Variants in AP2M1 observed in about 807,000 individuals in gnomAD.
AP2M1 encodes the protein adaptor related protein complex 2 subunit mu 1.
A neutral mutation model predicts 54.5 loss-of-function variants in AP2M1; 5 were observed. The ratio of observed to expected loss-of-function variants is 0.09; its 90% confidence interval spans 0.05 to 0.19. The LOEUF (loss-of-function observed/expected upper bound fraction) is 0.19. Ranked by LOEUF, AP2M1 falls within the 10% of genes least tolerant of loss-of-function variation. AP2M1 has a pLI of 1.00. For missense variants in AP2M1, 178 were observed against 580.2 expected, an observed-to-expected ratio of 0.31 and a Z score of 7.12; for synonymous variants, 186 against 208.2, an observed-to-expected ratio of 0.89 and a Z score of 0.92.
rs533163564 is a variant in AP2M1, at chr3:184,178,214, G to A, written c.75-643G>A. On this transcript the variant is annotated intron_variant, in intron 2 of 11. Transcript: ENST00000292807. The surrounding 1 kb of genome is among the most constrained non-coding windows in gnomAD (Gnocchi z 4.9). ...CTCTCATCCCATCTCATTGGCTGCC[G>A]TAGCAATAGGTAAGCGGCCTCTCAA... The A allele has an allele frequency of 5.4e-5, 83 of 1,536,092 alleles. No individual in the cohort carries two copies. The African/African-American group carries it at 8.9e-4, about 16-fold the overall frequency.
rs902867273 is a variant in AP2M1, at chr3:184,178,549, G to A, written c.75-308G>A. ...AAGCTGGGAAATTAGGGCCAGCCCT[G>A]GGAGTAAGGAATATCTGTCTCTAAA... On this transcript the variant is annotated intron_variant, in intron 2 of 11. Coordinates refer to ENST00000292807, the MANE Select transcript of AP2M1 (RefSeq NM_004068.4). The surrounding 1 kb of genome is among the most constrained non-coding windows in gnomAD (Gnocchi z 4.9). Among the ~76,000 whole-genome samples, 3 of 152,238 alleles carry A rather than the reference G, an allele frequency of 2.0e-5. No homozygotes were observed. The highest frequency in any genetic ancestry group is 7.2e-5 in the African/African-American group (3 of 41,464).
At position 184,182,652 on chromosome 3, in the gene AP2M1, G is replaced by A. The variant is rs1432576056; in HGVS notation, c.1062-105G>A. The A allele has an allele frequency of 1.1e-6, 1 of 911,820 alleles. No individual in the cohort carries two copies. Among genetic ancestry groups the A allele is most frequent in the Non-Finnish European group, 1.7e-6 (1 of 585,856 alleles). The allele number at this position is 911,820 out of a possible 1,614,324, so 56.5% of individuals were successfully genotyped here. On this transcript the variant is annotated intron_variant, in intron 10 of 11. Transcript: ENST00000292807. This position sits in a 1 kb window ranked among gnomAD's most constrained non-coding sequence, Gnocchi z 5.5. Reference sequence around the variant, plus strand: ...GGTCCTGACCACTTCTCCTTGTTCTGGCACCTCCTGCAAGCTCCTGGGCTC... The same window carrying A: ...GGTCCTGACCACTTCTCCTTGTTCTAGCACCTCCTGCAAGCTCCTGGGCTC...
Position 184,181,376 on chromosome 3 carries a change from A to G in AP2M1, c.707+150A>G, listed in dbSNP as rs985060600. 4 of 1,208,178 alleles carry G rather than the reference A, an allele frequency of 3.3e-6. No individual in the cohort carries two copies. The African/African-American group carries it at 6.1e-5, about 18-fold the overall frequency. The allele number at this position is 1,208,178 out of a possible 1,614,324, so 74.8% of individuals were successfully genotyped here. A position where few individuals can be genotyped will look rare whatever the true frequency, so the allele number is the denominator to read the frequency against. ...AGCCTGGCTGTTCGCTCTTGACATT[A>G]GTGCTACGAGAGATGAGGGGATCGT... is the stretch of plus-strand genomic sequence containing the variant. On this transcript the variant is annotated intron_variant, in intron 7 of 11. Coordinates refer to ENST00000292807, the MANE Select transcript of AP2M1 (RefSeq NM_004068.4). This position sits in a 1 kb window ranked among gnomAD's most constrained non-coding sequence, Gnocchi z 5.7.
Position 184,176,940 on chromosome 3 carries a change from G to A in AP2M1, c.-43-11G>A, listed in dbSNP as rs1715092679. 3.2e-6 allele frequency: 5 copies of A among 1,584,800 alleles called. No homozygotes were observed. The highest frequency in any genetic ancestry group is 1.7e-5 in the Admixed American group (1 of 58,272). Reference sequence around the variant, plus strand: ...TGAGGTCTTCTTTTACCCTGCCCCCGCCTGTCCTAGGTCTGTTCTCAGAGC... The same window carrying A: ...TGAGGTCTTCTTTTACCCTGCCCCCACCTGTCCTAGGTCTGTTCTCAGAGC... On this transcript the variant is annotated splice_polypyrimidine_tract_variant and intron_variant, in intron 1 of 11. Transcript: ENST00000292807.
chr3:184,182,994 A>T lies in AP2M1; in HGVS notation c.1173+126A>T, dbSNP rs1339217948. On this transcript the variant is annotated intron_variant, in intron 11 of 11. Coordinates refer to ENST00000292807, the MANE Select transcript of AP2M1 (RefSeq NM_004068.4). The surrounding 1 kb of genome is among the most constrained non-coding windows in gnomAD (Gnocchi z 5.5). ...GGCCTAGAAAGAAGAACTGGCTTTA[A>T]TTCATAGATCCATTCTTCCCCTTTC... The T allele has an allele frequency of 1.2e-6, 1 of 805,190 alleles. No individual in the cohort carries two copies. The allele number at this position is 805,190 out of a possible 1,614,324, so 49.9% of individuals were successfully genotyped here. A position where few individuals can be genotyped will look rare whatever the true frequency, so the allele number is the denominator to read the frequency against.
At position 184,178,010 on chromosome 3, in the gene AP2M1, A is replaced by ACCCCCC; in HGVS notation, c.75-846_75-841dup. The ACCCCCC allele has an allele frequency of 1.5e-6, 1 of 655,576 alleles. No homozygotes were observed. Among genetic ancestry groups the ACCCCCC allele is most frequent in the East Asian group, 2.8e-5 (1 of 36,298 alleles). 40.6% of individuals were successfully genotyped at this position (655,576 alleles called of 1,614,324 possible). On this transcript the variant is annotated intron_variant, in intron 2 of 11. Coordinates refer to ENST00000292807, the MANE Select transcript of AP2M1 (RefSeq NM_004068.4). The surrounding 1 kb of genome is among the most constrained non-coding windows in gnomAD (Gnocchi z 4.9). Reference sequence around the variant, plus strand: ...GGCCTGTCTGAACCTGGCTGGCTACACCCCCCACCCCAGACCCCCTCCTGC... The same window carrying ACCCCCC: ...GGCCTGTCTGAACCTGGCTGGCTACACCCCCCCCCCCCACCCCAGACCCCCTCCTGC...
intron 2 of AP2M1, among the ~76,000 whole-genome samples, chr3:184,177,283 G>A (rs1172735244): frequency 6.6e-6 from 1 of 152,252 alleles, no homozygotes; most frequent in African/African-American, 2.4e-5. Context: ...CTGTGGAATG[G>A]CATGGTCCCA....
rs1715219603 is a variant in AP2M1, at chr3:184,180,040, G to C, written c.341-129G>C. On this transcript the variant is annotated intron_variant, in intron 3 of 11. Coordinates refer to ENST00000292807, the MANE Select transcript of AP2M1 (RefSeq NM_004068.4). This position sits in a 1 kb window ranked among gnomAD's most constrained non-coding sequence, Gnocchi z 4.9. ...CAAATCACAGAATAAATGCTACAAA[G>C]CTAGAAGACTTTCTTGCGGATGATC... is the stretch of plus-strand genomic sequence containing the variant. 7.9e-6 allele frequency: 6 copies of C among 762,468 alleles called. No homozygotes were observed. In the South Asian group the frequency reaches 1.0e-4, roughly 13 times the overall value. The allele number at this position is 762,468 out of a possible 1,614,324, so 47.2% of individuals were successfully genotyped here. A position where few individuals can be genotyped will look rare whatever the true frequency, so the allele number is the denominator to read the frequency against.
Position 184,181,684 on chromosome 3 carries a change from C to G in AP2M1, c.708-12C>G. ...CCTGTACCAATGAGACCTCTTCTGC[C>G]CCTGCTTGCAGCGGGAAGCAATCAA... On this transcript the variant is annotated splice_polypyrimidine_tract_variant and intron_variant, in intron 7 of 11. Transcript: ENST00000292807. This position sits in a 1 kb window ranked among gnomAD's most constrained non-coding sequence, Gnocchi z 5.7. The G allele has an allele frequency of 6.2e-7, 1 of 1,613,628 alleles. No homozygotes were observed. Among genetic ancestry groups the G allele is most frequent in the South Asian group, 1.1e-5 (1 of 91,046 alleles).
chr3:184,183,516 A>T lies in AP2M1; in HGVS notation c.1208A>T (p.Tyr403Phe). 1 of 1,614,046 alleles carries T rather than the reference A, an allele frequency of 6.2e-7. No individual in the cohort carries two copies. The highest frequency in any genetic ancestry group is 8.5e-7 in the Non-Finnish European group (1 of 1,179,908). The change falls in exon 12 of 12, where the codon TAC becomes TTC. Residue 403 changes from tyrosine (Y) to phenylalanine (F), a missense_variant. Transcript: ENST00000292807. The surrounding 1 kb of genome is among the most constrained non-coding windows in gnomAD (Gnocchi z 5.7). The stretch of plus-strand genomic sequence containing the variant: ...GCGCCCTCTGGCCTCAAGGTGCGCT[A>T]CTTGAAGGTGTTTGAACCGAAGCTG... ...PFAPSGLKVR[Y>F]LKVFEPKLNY...
intron 1 of AP2M1, 43 bp from the exon 2 acceptor site, chr3:184,176,908 G>C: frequency 7.2e-7 from 1 of 1,395,930 alleles, no homozygotes; most frequent in Non-Finnish European, 9.8e-7. Context: ...GATGTTGGCA[G>C]CGATTCTGAG....
intron 1 of AP2M1, 75 bp downstream of exon 1, chr3:184,175,034 T>C (rs1715015245): frequency 7.5e-6 from 3 of 397,804 alleles, no homozygotes; most frequent in Admixed American, 4.4e-5. Flanking sequence ...AGCTTTGTCC[T>C]GCCCTGCACT....
At position 184,181,326 on chromosome 3, in the gene AP2M1, A is replaced by C; in HGVS notation, c.707+100A>C. 6.5e-7 allele frequency: 1 copy of C among 1,538,194 alleles called. No homozygotes were observed. The highest frequency in any genetic ancestry group is 8.9e-7 in the Non-Finnish European group (1 of 1,125,806). ...TCTTCTGGATTTCATTCCCACTGTA[A>C]TTGCAAACTCTGTTCCTGACGGTAA... On this transcript the variant is annotated intron_variant, in intron 7 of 11. Transcript: ENST00000292807. The surrounding 1 kb of genome is among the most constrained non-coding windows in gnomAD (Gnocchi z 5.7).
At position 184,181,827 on chromosome 3, in the gene AP2M1, G is replaced by A. The variant is rs1387568195; in HGVS notation, c.827+12G>A. 1.2e-6 allele frequency: 2 copies of A among 1,614,190 alleles called. No homozygotes were observed. Among genetic ancestry groups the A allele is most frequent in the Non-Finnish European group, 1.7e-6 (2 of 1,180,040 alleles). On this transcript the variant is annotated intron_variant, in intron 8 of 11. Transcript: ENST00000292807. This position sits in a 1 kb window ranked among gnomAD's most constrained non-coding sequence, Gnocchi z 5.7. ...TTTGAGCTTATGAGGTGCCATTGGG[G>A]TGTGAGGAGGCAGCTAGTGCTGCTG...
chr3:184,182,952 A>G lies in AP2M1; in HGVS notation c.1173+84A>G. 8.6e-7 allele frequency: 1 copy of G among 1,157,998 alleles called. No homozygotes were observed. 71.7% of individuals were successfully genotyped at this position (1,157,998 alleles called of 1,614,324 possible). On this transcript the variant is annotated intron_variant, in intron 11 of 11. Transcript: ENST00000292807. This position sits in a 1 kb window ranked among gnomAD's most constrained non-coding sequence, Gnocchi z 5.5. The stretch of plus-strand genomic sequence containing the variant: ...TCATTCCGATAAACTGCTGCACCTT[A>G]GAGGTGAGGAAACTGAGGCCTAGAA...
chr3:184,176,767 C>A (rs1175109921), intron 1 of AP2M1, 184 bp from the exon 2 acceptor site: 4 of 508,566 alleles, frequency 7.9e-6, no homozygotes, highest in African/African-American at 2.0e-5. Flanking sequence ...TTTCTTTCTC[C>A]CATCTAGTGT....
chr3:184,177,733 G>A (rs1276465677), intron 2 of AP2M1: 7 of 970,992 alleles, frequency 7.2e-6, no homozygotes, highest in Admixed American at 2.3e-5. Flanking sequence ...CTCATTCTGC[G>A]CCCCCTTGCA....
Position 184,182,416 on chromosome 3 carries a change from G to A in AP2M1, c.1061+168G>A, listed in dbSNP as rs1409008068. On this transcript the variant is annotated intron_variant, in intron 10 of 11. Transcript: ENST00000292807. This position sits in a 1 kb window ranked among gnomAD's most constrained non-coding sequence, Gnocchi z 5.5. Reference sequence around the variant, plus strand: ...TATACCTCCATGTGAGTATGTACACGCCTGCATTTGGGTTCATGCACGTGC... The same window carrying A: ...TATACCTCCATGTGAGTATGTACACACCTGCATTTGGGTTCATGCACGTGC... 7 of 706,880 alleles carry A rather than the reference G, an allele frequency of 9.9e-6. No individual in the cohort carries two copies. The highest frequency in any genetic ancestry group is 5.5e-5 in the East Asian group (2 of 36,676). The allele number at this position is 706,880 out of a possible 1,614,324, so 43.8% of individuals were successfully genotyped here. A position where few individuals can be genotyped will look rare whatever the true frequency, so the allele number is the denominator to read the frequency against.
At chr3:184,176,233 G>A (rs1429681684) in intron 1 of AP2M1, among the ~76,000 whole-genome samples, 1 of 152,090 alleles carries the variant, frequency 6.6e-6, no homozygotes, top group Non-Finnish European at 1.5e-5. Flanking sequence ...TTTGAAAGGG[G>A]GGTGGTAATC....
Sources: allele counts gnomAD v4.1 joint callset (sites outside exome capture counted in the v4.1 genomes callset), GRCh38; gene constraint gnomAD v4.1.1; non-coding constraint Gnocchi (gnomAD v3.1); transcripts MANE v1.5; gene names NCBI Gene and HGNC (gene_info 2026-07-23, HGNC 2026-07-21).